The following KCNQ1 variants were observed in gnomAD, a reference collection of about 807,000 sequenced individuals.
KCNQ1 encodes the protein potassium voltage-gated channel subfamily Q member 1.
A neutral mutation model predicts 72.4 loss-of-function variants in KCNQ1; 49 were observed. That is an observed-to-expected ratio of 0.68 (90% CI 0.54 to 0.86). The LOEUF is 0.86. Among genes scored for constraint, KCNQ1 ranks in the 40% least tolerant of loss-of-function variants. The pLI, the probability that KCNQ1 is intolerant of heterozygous loss-of-function variation, is 0.00. For missense variants in KCNQ1, 790 were observed against 945.1 expected, an observed-to-expected ratio of 0.84 and a Z score of 2.15; for synonymous variants, 450 against 412.6, an observed-to-expected ratio of 1.09 and a Z score of -1.10.
At chr11:2,573,366 C>T (rs902850332) in intron 6 of KCNQ1, among the ~76,000 whole-genome samples, 9 of 152,120 alleles carry the variant, frequency 5.9e-5, no homozygotes, top group African/African-American at 2.2e-4. Context: ...TGGCAGGGCC[C>T]AAGGAGAGCG....
intron 15 of KCNQ1, among the ~76,000 whole-genome samples, chr11:2,804,050 G>A (rs768710485): frequency 2.5e-4 from 38 of 152,188 alleles, no homozygotes; most frequent in South Asian, 4.1e-4. Flanking sequence ...TGAACCACAC[G>A]GGGAGGAGCC....
chr11:2,577,191 G>A (rs770795422), intron 6 of KCNQ1, among the ~76,000 whole-genome samples: 1 of 152,254 alleles, frequency 6.6e-6, no homozygotes, highest in Non-Finnish European at 1.5e-5. Context: ...CGGTCCTGCT[G>A]TGTGCCAGGC....
chr11:2,667,393 G>T (rs1850096866), intron 11 of KCNQ1: 2 of 398,736 alleles, frequency 5.0e-6, no homozygotes, highest in Admixed American at 8.8e-5. Context: ...AGTGCACTCT[G>T]GCCAGGCTCA....
chr11:2,841,020 T>C (rs1848198336), intron 15 of KCNQ1, among the ~76,000 whole-genome samples: 1 of 152,260 alleles, frequency 6.6e-6, no homozygotes, highest in Non-Finnish European at 1.5e-5. Context: ...AGACGGTGAC[T>C]GCCTGGCCTA....
chr11:2,809,432 G>A lies in KCNQ1; in HGVS notation c.1794+31395G>A, dbSNP rs1039756776. 6.6e-6 allele frequency among the ~76,000 whole-genome samples: 1 copy of A among 152,146 alleles called. No individual in the cohort carries two copies. On this transcript the variant is annotated intron_variant, in intron 15 of 15. Transcript: ENST00000155840. The surrounding 1 kb of genome is among the most constrained non-coding windows in gnomAD (Gnocchi z 7.1). ...CTGGTGCAGCACGTGTTCATTTATGGGTTGTTGTTACCGTGGCATTGGTCC... is the reference window on the plus strand; with the variant it reads ...CTGGTGCAGCACGTGTTCATTTATGAGTTGTTGTTACCGTGGCATTGGTCC...
rs1438789061 is a variant in KCNQ1, at chr11:2,626,780, A to G, written c.1394-35181A>G. The G allele has an allele frequency of 1.8e-5, 7 of 398,456 alleles. No individual in the cohort carries two copies. Among genetic ancestry groups the G allele is most frequent in the Non-Finnish European group, 3.1e-5 (7 of 226,068 alleles). 24.7% of individuals were successfully genotyped at this position (398,456 alleles called of 1,614,324 possible). A position where few individuals can be genotyped will look rare whatever the true frequency, so the allele number is the denominator to read the frequency against. On this transcript the variant is annotated intron_variant, in intron 10 of 15. Coordinates refer to ENST00000155840, the MANE Select transcript of KCNQ1 (RefSeq NM_000218.3). This position sits in a 1 kb window ranked among gnomAD's most constrained non-coding sequence, Gnocchi z 4.0. ...CTGGACTCAGAAGTCCTCCCACCTC[A>G]GCCTTCAAAAGTGCTGAGATTACAG...
chr11:2,751,863 G>T (rs1846231510), intron 11 of KCNQ1, among the ~76,000 whole-genome samples: 1 of 152,228 alleles, frequency 6.6e-6, no homozygotes, highest in Admixed American at 6.5e-5. Flanking sequence ...CAGAACATGA[G>T]GCCCGGCCAG....
Position 2,600,330 on chromosome 11 carries a change from T to G in KCNQ1, c.1393+11476T>G, listed in dbSNP as rs142979091. Among the ~76,000 whole-genome samples the G allele has an allele frequency of 1.0e-3, 155 of 152,320 alleles. 2 individuals are homozygous for G. In the East Asian group the frequency reaches 0.026, roughly 26 times the overall value. On this transcript the variant is annotated intron_variant, in intron 10 of 15. Coordinates refer to ENST00000155840, the MANE Select transcript of KCNQ1 (RefSeq NM_000218.3). This position sits in a 1 kb window ranked among gnomAD's most constrained non-coding sequence, Gnocchi z 5.6. ...GTTTCTTAAAACAAAACAAACTGTT[T>G]ATTTGGCCATAATTTTGAACTACAG...
In KCNQ1 at chr11:2,457,583, T is replaced by TA. The variant is rs1344958649; in HGVS notation, c.386+12099_386+12100insA. 6.6e-6 allele frequency among the ~76,000 whole-genome samples: 1 copy of TA among 151,122 alleles called. No individual in the cohort carries two copies. The highest frequency in any genetic ancestry group is 1.5e-5 in the Non-Finnish European group (1 of 67,982). On this transcript the variant is annotated intron_variant, in intron 1 of 15. Coordinates refer to ENST00000155840, the MANE Select transcript of KCNQ1 (RefSeq NM_000218.3). This position sits in a 1 kb window ranked among gnomAD's most constrained non-coding sequence, Gnocchi z 5.0. ...AAGTGAGGGCTAAACATCAAATCCATGTGGACATAATGATGAGAACAAGAG... is the reference window on the plus strand; with the variant it reads ...AAGTGAGGGCTAAACATCAAATCCATAGTGGACATAATGATGAGAACAAGAG...
rs981014747 is a variant in KCNQ1 at position 2,664,047 on chromosome 11, A to C, written c.1514+1966A>C. 7 of 398,476 alleles carry C rather than the reference A, an allele frequency of 1.8e-5. No homozygotes were observed. The highest frequency in any genetic ancestry group is 2.5e-4 in the South Asian group (2 of 7,860). 24.7% of individuals were successfully genotyped at this position (398,476 alleles called of 1,614,324 possible). A position where few individuals can be genotyped will look rare whatever the true frequency, so the allele number is the denominator to read the frequency against. On this transcript the variant is annotated intron_variant, in intron 11 of 15. Transcript: ENST00000155840. The surrounding 1 kb of genome is among the most constrained non-coding windows in gnomAD (Gnocchi z 5.1). ...GATCCTGCAGCCTTTTCAGGTTGGC[A>C]CTCCCATGGCCTCCAGTGATAAGTG...
intron 15 of KCNQ1, among the ~76,000 whole-genome samples, chr11:2,780,410 G>A (rs1217578154): frequency 2.0e-5 from 3 of 152,214 alleles, no homozygotes; most frequent in South Asian, 2.1e-4. Context: ...GCAGCCGCCC[G>A]GCCCTCGGAG....
chr11:2,518,914 C>T (rs1847330612), intron 1 of KCNQ1, among the ~76,000 whole-genome samples: 1 of 152,240 alleles, frequency 6.6e-6, no homozygotes, highest in Non-Finnish European at 1.5e-5. Context: ...GGCGTCCATT[C>T]ACCCGGAGCT....
rs1029670466 is a variant in KCNQ1 at position 2,608,626 on chromosome 11, G to A, written c.1393+19772G>A. 1.0e-5 allele frequency: 4 copies of A among 398,348 alleles called. No individual in the cohort carries two copies. Among genetic ancestry groups the A allele is most frequent in the Non-Finnish European group, 1.8e-5 (4 of 226,052 alleles). The allele number at this position is 398,348 out of a possible 1,614,324, so 24.7% of individuals were successfully genotyped here. On this transcript the variant is annotated intron_variant, in intron 10 of 15. Coordinates refer to ENST00000155840, the MANE Select transcript of KCNQ1 (RefSeq NM_000218.3). This position sits in a 1 kb window ranked among gnomAD's most constrained non-coding sequence, Gnocchi z 4.6. ...ACAGGTGTGCACCACAACACCAGCT[G>A]TTATTCAAAAAATATTTTGTAGAGA... is the stretch of plus-strand genomic sequence containing the variant.
intron 1 of KCNQ1, chr11:2,461,363 C>T: frequency 1.7e-6 from 2 of 1,185,736 alleles, no homozygotes; most frequent in Non-Finnish European, 2.2e-6. Context: ...GAAGCTCTGT[C>T]CGGGAAGGGA....
Position 2,450,489 on chromosome 11 carries a change from G to A in KCNQ1, c.386+5005G>A, listed in dbSNP as rs1023967287. ...AGGATTTGGTTACAGAGGGGAGGGC[G>A]GCAGCGTCTGGCTTCACTCTCGGGA... On this transcript the variant is annotated intron_variant, in intron 1 of 15. Transcript: ENST00000155840. The surrounding 1 kb of genome is among the most constrained non-coding windows in gnomAD (Gnocchi z 7.9). Among the ~76,000 whole-genome samples, 2 of 152,118 alleles carry A rather than the reference G, an allele frequency of 1.3e-5. No homozygotes were observed. Among genetic ancestry groups the A allele is most frequent in the African/African-American group, 2.4e-5 (1 of 41,416 alleles).
chr11:2,589,425 G>A (rs569069298), intron 10 of KCNQ1, among the ~76,000 whole-genome samples: 1 of 152,352 alleles, frequency 6.6e-6, no homozygotes, highest in South Asian at 2.1e-4. Context: ...ACCTTCTGCG[G>A]GACCTGACGA....
At chr11:2,570,818 C>T (rs1848323218) in intron 3 of KCNQ1, 64 bp downstream of exon 3, 3 of 1,598,192 alleles carry the variant, frequency 1.9e-6, no homozygotes, top group Admixed American at 1.7e-5. Context: ...ACCCCCACCT[C>T]ATGACCCCTA....
intron 11 of KCNQ1, among the ~76,000 whole-genome samples, chr11:2,742,776 GCCT>G (rs1479397004): frequency 6.6e-5 from 10 of 152,224 alleles, no homozygotes; most frequent in African/African-American, 2.2e-4. Flanking sequence ...GCCCGCTGTG[GCCT>G]CCTCTGCACG....
intron 15 of KCNQ1, among the ~76,000 whole-genome samples, chr11:2,837,141 C>G (rs1347545817): frequency 3.3e-5 from 5 of 152,128 alleles, no homozygotes; most frequent in Non-Finnish European, 1.5e-5. Context: ...TGGGAGCACC[C>G]TGGGCAGCCT....
Sources: gnomAD v4.1 joint callset for allele counts (sites outside exome capture counted in the v4.1 genomes callset) on GRCh38, gnomAD v4.1.1 for gene constraint, Gnocchi (gnomAD v3.1) non-coding constraint, MANE v1.5 for transcripts, NCBI Gene and HGNC (gene_info 2026-07-23, HGNC 2026-07-21) for gene names.